SMC6: variants seen among roughly 807,000 people sequenced by gnomAD.
The protein encoded by SMC6 is structural maintenance of chromosomes 6, also known as structural maintenance of chromosomes protein 6.
Under a neutral mutation model 142.2 loss-of-function variants are expected in SMC6, and 79 were observed. That is an observed-to-expected ratio of 0.56 (90% CI 0.46 to 0.67). The LOEUF (loss-of-function observed/expected upper bound fraction) is 0.67, where lower values mean the gene tolerates loss of function less well. SMC6 is among the 30% of genes least tolerant of loss of function. The pLI is 0.00. For missense variants in SMC6, 1,072 were observed against 1,284.0 expected (o/e 0.83, Z 2.52); for synonymous variants, 411 against 412.4 (o/e 1.00, Z 0.04).
intron 21 of SMC6, among the ~76,000 whole-genome samples, chr2:17,698,004 A>G (rs1236538972): frequency 6.6e-6 from 1 of 152,106 alleles, no homozygotes; most frequent in African/African-American, 2.4e-5. Context: ...TGAAACTTGA[A>G]AACATTATGC....
chr2:17,693,135 G>A (rs1157691965), intron 23 of SMC6, among the ~76,000 whole-genome samples: 1 of 152,164 alleles, frequency 6.6e-6, no homozygotes, highest in African/African-American at 2.4e-5. Flanking sequence ...CAACCACTGT[G>A]GAAGTCAGTG....
At chr2:17,749,495 C>A (rs967427310) in intron 2 of SMC6, among the ~76,000 whole-genome samples, 1 of 152,192 alleles carries the variant, frequency 6.6e-6, no homozygotes, top group Non-Finnish European at 1.5e-5. Context: ...TGAGACCAGA[C>A]TGGCCAATAT....
rs373194530 is a variant in SMC6, at chr2:17,741,749, G to C, written c.121-20C>G. On this transcript the variant is annotated intron_variant, in intron 3 of 27. Transcript: ENST00000448223. ...TGCAGTCTATTAATAAAAAACAATG[G>C]GAGAAAATGGTCAATCTAATTCACT... The C allele has an allele frequency of 6.7e-7, 1 of 1,495,232 alleles. No individual in the cohort carries two copies. The allele number at this position is 1,495,232 out of a possible 1,614,324, so 92.6% of individuals were successfully genotyped here.
At chr2:17,694,637 C>T (rs1667905008) in intron 23 of SMC6, among the ~76,000 whole-genome samples, 1 of 152,114 alleles carries the variant, frequency 6.6e-6, no homozygotes, top group African/African-American at 2.4e-5. Flanking sequence ...AATTAAAGTT[C>T]AGAGAGATAG....
chr2:17,742,593 T>C (rs1166401674), intron 3 of SMC6, among the ~76,000 whole-genome samples: 2 of 152,122 alleles, frequency 1.3e-5, no homozygotes, highest in Non-Finnish European at 2.9e-5. Context: ...TTGAAGACCA[T>C]TTTCAAGTCT....
At chr2:17,708,837 A>T (rs983097499) in intron 16 of SMC6, 84 bp from the exon 17 acceptor site, 19 of 307,830 alleles carry the variant, frequency 6.2e-5, no homozygotes, top group South Asian at 2.1e-4. Flanking sequence ...TATATATATA[A>T]GAGTATATAT....
chr2:17,686,714 T>C (rs1667472593), intron 23 of SMC6, among the ~76,000 whole-genome samples: 1 of 152,152 alleles, frequency 6.6e-6, no homozygotes, highest in Non-Finnish European at 1.5e-5. Flanking sequence ...CATACATACA[T>C]GGATATGTAT....
At chr2:17,686,491 G>A (rs558708152) in intron 23 of SMC6, among the ~76,000 whole-genome samples, 1 of 152,102 alleles carries the variant, frequency 6.6e-6, no homozygotes, top group South Asian at 2.1e-4. Context: ...CAAAAAGCAA[G>A]GCAAAAATCT....
At chr2:17,705,603 C>G (rs750920207) in intron 18 of SMC6, among the ~76,000 whole-genome samples, 1 of 152,042 alleles carries the variant, frequency 6.6e-6, no homozygotes, top group African/African-American at 2.4e-5. Flanking sequence ...AAACAAACTT[C>G]GGAAACTACA....
At chr2:17,729,301 A>G (rs943078674) in intron 7 of SMC6, among the ~76,000 whole-genome samples, 2 of 152,202 alleles carry the variant, frequency 1.3e-5, no homozygotes, top group African/African-American at 2.4e-5. Context: ...TGCATTTTAA[A>G]CAATGAACCT....
intron 3 of SMC6, among the ~76,000 whole-genome samples, chr2:17,745,521 G>C (rs1265015200): frequency 1.3e-5 from 2 of 152,130 alleles, no homozygotes; most frequent in Admixed American, 1.3e-4. Flanking sequence ...GATGTCTGCA[G>C]GGTCTGTGGA....
intron 25 of SMC6, among the ~76,000 whole-genome samples, chr2:17,677,414 A>G (rs1667042811): frequency 6.6e-6 from 1 of 152,180 alleles, no homozygotes; most frequent in Non-Finnish European, 1.5e-5. Context: ...TTAGGTGCCT[A>G]GCAGTTCCCT....
chr2:17,683,013 C>T (rs180962279), intron 24 of SMC6, among the ~76,000 whole-genome samples: 7 of 152,018 alleles, frequency 4.6e-5, no homozygotes, highest in Non-Finnish European at 7.4e-5. Flanking sequence ...AGGGCTGTCT[C>T]GGATTCATGT....
At chr2:17,721,367 A>C (rs1669367560) in intron 9 of SMC6, 106 bp from the exon 10 acceptor site, 3 of 1,080,312 alleles carry the variant, frequency 2.8e-6, no homozygotes, top group Middle Eastern at 2.9e-4. Flanking sequence ...GTACTACATA[A>C]ATATTCGTTT....
At chr2:17,671,298 T>C (rs1048849024) in intron 25 of SMC6, among the ~76,000 whole-genome samples, 1 of 152,092 alleles carries the variant, frequency 6.6e-6, no homozygotes, top group Non-Finnish European at 1.5e-5. Context: ...AAATCAACTT[T>C]AAAAAGCTTA....
intron 16 of SMC6, among the ~76,000 whole-genome samples, chr2:17,713,212 A>C (rs148404186): frequency 1.7e-3 from 265 of 152,272 alleles, no homozygotes; most frequent in African/African-American, 6.0e-3. Context: ...CCCTCCACTC[A>C]CATCTCTAAA....
intron 12 of SMC6, among the ~76,000 whole-genome samples, chr2:17,717,541 C>G (rs1037048281): frequency 6.6e-6 from 1 of 152,088 alleles, no homozygotes; most frequent in Non-Finnish European, 1.5e-5. Context: ...CGTGGTGGCA[C>G]GCCCCTATAG....
intron 21 of SMC6, 127 bp from the exon 22 acceptor site, chr2:17,696,553 A>C (rs1667996577): frequency 2.2e-6 from 2 of 899,870 alleles, no homozygotes; most frequent in Non-Finnish European, 3.4e-6. Context: ...TATTATATCC[A>C]TATGTGTCTG....
chr2:17,743,139 C>G (rs1670560913), intron 3 of SMC6, among the ~76,000 whole-genome samples: 1 of 152,002 alleles, frequency 6.6e-6, no homozygotes, highest in Non-Finnish European at 1.5e-5. Context: ...TATGGATGTA[C>G]CAAGGTATAT....
Sources: gnomAD v4.1 joint callset for allele counts (sites outside exome capture counted in the v4.1 genomes callset) on GRCh38, gnomAD v4.1.1 for gene constraint, MANE v1.5 for transcripts, NCBI Gene and HGNC (gene_info 2026-07-23, HGNC 2026-07-21) for gene names.